RBPMS: variants seen among roughly 807,000 people sequenced by gnomAD.
RBPMS encodes the protein RNA binding protein, mRNA processing factor, also known as RNA-binding protein with multiple splicing.
In RBPMS, 7 loss-of-function variants were observed where a neutral mutation model predicts 26.8. That is an observed-to-expected ratio of 0.26 (90% CI 0.15 to 0.49). The LOEUF (loss-of-function observed/expected upper bound fraction) is 0.49, where lower values mean the gene tolerates loss of function less well. Among genes scored for constraint, RBPMS ranks in the 20% least tolerant of loss-of-function variants. The probability of loss-of-function intolerance (pLI) is 0.98; values close to 1 mark genes in which losing one functional copy is unlikely to be tolerated. For missense variants in RBPMS, 186 were observed against 250.0 expected, an observed-to-expected ratio of 0.74 and a Z score of 1.73; for synonymous variants, 96 against 93.3, an observed-to-expected ratio of 1.03 and a Z score of -0.17.
intron 5 of RBPMS, among the ~76,000 whole-genome samples, chr8:30,531,695 G>T (rs1824241357): frequency 1.3e-5 from 2 of 152,290 alleles, no homozygotes; most frequent in African/African-American, 4.8e-5. Flanking sequence ...TATCTTACCG[G>T]AAAGTCAACA....
At chr8:30,465,777 A>G (rs1816429365) in intron 1 of RBPMS, among the ~76,000 whole-genome samples, 1 of 152,206 alleles carries the variant, frequency 6.6e-6, no homozygotes, top group Admixed American at 6.5e-5. Context: ...TGACAAAGTG[A>G]GACTTTGTCT....
intron 5 of RBPMS, among the ~76,000 whole-genome samples, chr8:30,541,420 T>C (rs1825381043): frequency 6.6e-6 from 1 of 152,176 alleles, no homozygotes; most frequent in African/African-American, 2.4e-5. Flanking sequence ...CCTATTCAGA[T>C]GTATATTGTG....
At chr8:30,423,069 T>A (rs1382203682) in intron 1 of RBPMS, among the ~76,000 whole-genome samples, 1 of 152,202 alleles carries the variant, frequency 6.6e-6, no homozygotes, top group Non-Finnish European at 1.5e-5. Flanking sequence ...AGTTGAAATG[T>A]ACCTGGCAAA....
chr8:30,463,660 A>G (rs1330384652), intron 1 of RBPMS, among the ~76,000 whole-genome samples: 1 of 152,248 alleles, frequency 6.6e-6, no homozygotes, highest in Non-Finnish European at 1.5e-5. Flanking sequence ...ATTAAGCTCC[A>G]CTTCTTTAAG....
chr8:30,445,647 C>CACATAT, intron 1 of RBPMS, among the ~76,000 whole-genome samples: 1 of 29,814 alleles, frequency 3.4e-5, no homozygotes, highest in African/African-American at 1.7e-4. Context: ...GATATACACA[C>CACATAT]GGATATATAT....
At chr8:30,538,520 T>C (rs1825046502) in intron 5 of RBPMS, among the ~76,000 whole-genome samples, 1 of 152,182 alleles carries the variant, frequency 6.6e-6, no homozygotes, top group Admixed American at 6.5e-5. Flanking sequence ...CCTCCCAAAG[T>C]GCTGGGATTA....
intron 1 of RBPMS, chr8:30,447,103 C>G (rs1813958358): frequency 6.6e-6 from 1 of 152,150 alleles, no homozygotes; most frequent in Non-Finnish European, 1.5e-5. Context: ...GCAGGCATCA[C>G]TTCTGTCCAC....
intron 4 of RBPMS, among the ~76,000 whole-genome samples, chr8:30,488,939 T>C (rs1212676782): frequency 6.6e-6 from 1 of 152,166 alleles, no homozygotes; most frequent in Admixed American, 6.5e-5. Flanking sequence ...CTTTACTGAT[T>C]TGGGGGCTCT....
chr8:30,437,758 T>G (rs920172977), intron 1 of RBPMS, among the ~76,000 whole-genome samples: 1 of 143,580 alleles, frequency 7.0e-6, no homozygotes. Context: ...GCCACTGCAC[T>G]CCAGCCTGGG....
At chr8:30,430,812 A>T (rs1295732125) in intron 1 of RBPMS, among the ~76,000 whole-genome samples, 3 of 152,206 alleles carry the variant, frequency 2.0e-5, no homozygotes, top group African/African-American at 4.8e-5. Context: ...CTATTAATTT[A>T]AAAAATACCT....
intron 1 of RBPMS, among the ~76,000 whole-genome samples, chr8:30,443,840 C>T (rs1297126246): frequency 1.3e-5 from 2 of 152,092 alleles, no homozygotes; most frequent in Non-Finnish European, 2.9e-5. Context: ...TGTGATCTGC[C>T]CGCCTCGGCC....
intron 4 of RBPMS, among the ~76,000 whole-genome samples, chr8:30,490,808 T>C (rs528944474): frequency 7.3e-4 from 111 of 152,274 alleles, no homozygotes; most frequent in African/African-American, 2.6e-3. Context: ...AGTAATCTAA[T>C]TGCAAGGATT....
chr8:30,393,529 T>C (rs894915157), intron 1 of RBPMS, among the ~76,000 whole-genome samples: 1 of 152,040 alleles, frequency 6.6e-6, no homozygotes. Flanking sequence ...ATTTTCTTTT[T>C]TTTTTTTCTT....
chr8:30,428,959 T>A (rs1005486293), intron 1 of RBPMS, among the ~76,000 whole-genome samples: 1 of 152,118 alleles, frequency 6.6e-6, no homozygotes, highest in African/African-American at 2.4e-5. Context: ...CACATGGGAA[T>A]CCATGAGAAA....
At chr8:30,472,391 G>T (rs1817218666) in intron 1 of RBPMS, among the ~76,000 whole-genome samples, 1 of 152,206 alleles carries the variant, frequency 6.6e-6, no homozygotes, top group Non-Finnish European at 1.5e-5. Context: ...AGCAGTGATT[G>T]CCTGGGGATG....
At chr8:30,562,549 T>C (rs1827589029) in intron 7 of RBPMS, among the ~76,000 whole-genome samples, 1 of 152,120 alleles carries the variant, frequency 6.6e-6, no homozygotes, top group South Asian at 2.1e-4. Context: ...TTTCAGCTCC[T>C]TCTAGTCTCT....
intron 8 of RBPMS, 148 bp from the exon 9 acceptor site, chr8:30,570,489 T>C (rs1342839090): frequency 6.6e-6 from 1 of 152,624 alleles, no homozygotes; most frequent in Non-Finnish European, 1.5e-5. Context: ...CACTGACACA[T>C]GTGGTCAGCA....
rs1324929124 is a variant in RBPMS, at chr8:30,555,991, A to G, written c.529-2896A>G. Reference sequence around the variant, plus strand: ...CGGCTGTGGTGCGGGAACCTGGATGAGCCGCTCAGACTTGGCCAGGGGGGC... The same window carrying G: ...CGGCTGTGGTGCGGGAACCTGGATGGGCCGCTCAGACTTGGCCAGGGGGGC... On this transcript the variant is annotated intron_variant, in intron 6 of 8. Coordinates refer to ENST00000397323, the MANE Select transcript of RBPMS (RefSeq NM_001008710.3). The G allele has an allele frequency of 4.1e-6, 4 of 985,236 alleles. No individual in the cohort carries two copies. In the South Asian group the frequency reaches 1.9e-4, roughly 46 times the overall value. The allele number at this position is 985,236 out of a possible 1,614,324, so 61.0% of individuals were successfully genotyped here. A position where few individuals can be genotyped will look rare whatever the true frequency, so the allele number is the denominator to read the frequency against.
chr8:30,487,620 T>A (rs1818928577), intron 4 of RBPMS, among the ~76,000 whole-genome samples: 1 of 152,130 alleles, frequency 6.6e-6, no homozygotes, highest in Admixed American at 6.5e-5. Context: ...ATAGTCAAAA[T>A]TTTTTATATG....
Sources: allele counts gnomAD v4.1 joint callset (sites outside exome capture counted in the v4.1 genomes callset), GRCh38; gene constraint gnomAD v4.1.1; transcripts MANE v1.5; gene names NCBI Gene and HGNC (gene_info 2026-07-23, HGNC 2026-07-21).